KIT: variants seen among roughly 807,000 people sequenced by gnomAD.
KIT encodes mast/stem cell growth factor receptor Kit.
A neutral mutation model predicts 105.7 loss-of-function variants in KIT; 16 were observed. That is an observed-to-expected ratio of 0.15 (90% CI 0.10 to 0.23). KIT has a LOEUF of 0.23. Among genes scored for constraint, KIT ranks in the 10% least tolerant of loss-of-function variants. KIT has a pLI of 1.00. For missense variants in KIT, 858 were observed against 1,213.8 expected, an observed-to-expected ratio of 0.71 and a Z score of 4.36; for synonymous variants, 438 against 441.1, an observed-to-expected ratio of 0.99 and a Z score of 0.09.
intron 8 of KIT, among the ~76,000 whole-genome samples, chr4:54,725,481 A>G (rs1171499728): frequency 6.6e-6 from 1 of 151,936 alleles, no homozygotes; most frequent in Non-Finnish European, 1.5e-5. Flanking sequence ...AAGCTTGTTT[A>G]TTTTAGGGAT....
intron 7 of KIT, among the ~76,000 whole-genome samples, chr4:54,720,238 T>C (rs564081296): frequency 6.6e-6 from 1 of 152,082 alleles, no homozygotes; most frequent in East Asian, 1.9e-4. Context: ...CTAAGGCATA[T>C]TGAAGATTTA....
intron 7 of KIT, among the ~76,000 whole-genome samples, chr4:54,718,459 T>A (rs1721643122): frequency 6.6e-6 from 1 of 152,204 alleles, no homozygotes; most frequent in Admixed American, 6.5e-5. Context: ...ATCAGGAGAT[T>A]TCATGAGACA....
Position 54,738,840 on chromosome 4 carries a change from C to T in KIT, c.*283C>T. 1 of 599,668 alleles carries T rather than the reference C, an allele frequency of 1.7e-6. No individual in the cohort carries two copies. Among genetic ancestry groups the T allele is most frequent in the Non-Finnish European group, 3.0e-6 (1 of 337,420 alleles). The allele number at this position is 599,668 out of a possible 1,614,324, so 37.1% of individuals were successfully genotyped here. On this transcript the variant is annotated 3_prime_UTR_variant, in exon 21 of 21. Transcript: ENST00000288135. ...AGAGAGGGAGGTATGGACTGGGGGCCAGAGTCCTTTCCAAGGCTTCTCCAA... is the reference window on the plus strand; with the variant it reads ...AGAGAGGGAGGTATGGACTGGGGGCTAGAGTCCTTTCCAAGGCTTCTCCAA...
intron 1 of KIT, among the ~76,000 whole-genome samples, chr4:54,658,984 C>T (rs1206728223): frequency 2.0e-5 from 3 of 152,182 alleles, no homozygotes; most frequent in Admixed American, 6.5e-5. Flanking sequence ...TTCCCTGACT[C>T]CAACCGCCTA....
rs879387646 is a variant in KIT at position 54,722,871 on chromosome 4, ATATTTATATATATG to A, written c.1232-699_1232-686del. Among the ~76,000 whole-genome samples the A allele has an allele frequency of 1.7e-3, 234 of 139,220 alleles. 1 individual carries two copies. The highest frequency in any genetic ancestry group is 4.7e-3 in the Admixed American group (67 of 14,368). The allele number at this position is 139,220 out of a possible 152,430, so 91.3% of individuals were successfully genotyped here. A position where few individuals can be genotyped will look rare whatever the true frequency, so the allele number is the denominator to read the frequency against. On this transcript the variant is annotated intron_variant, in intron 7 of 20. Transcript: ENST00000288135. ...TATATATTTTTATATATATGTATATATATTTATATATATGTATTTATATATATATATTCACGTTC... is the reference window on the plus strand; with the variant it reads ...TATATATTTTTATATATATGTATATATATTTATATATATATATTCACGTTC...
chr4:54,700,676 C>T (rs1379347924), intron 4 of KIT, among the ~76,000 whole-genome samples: 1 of 152,180 alleles, frequency 6.6e-6, no homozygotes, highest in Non-Finnish European at 1.5e-5. Flanking sequence ...TCTTTCTCCT[C>T]CTCTTCCTCC....
At position 54,731,362 on chromosome 4, in the gene KIT, C is replaced by T. The variant is rs1482194413; in HGVS notation, c.2176C>T (p.Pro726Ser). ...DSTNEYMDMK[P>S]GVSYVVPTKA... ...TACTAATGAGTACATGGACATGAAA[C>T]CTGGAGTTTCTTATGTTGTCCCAAC... The change falls in exon 15 of 21, where the codon CCT becomes TCT. Residue 726 changes from proline to serine, a missense_variant. Pro to Ser is a moderately conservative substitution (Grantham distance 74, BLOSUM62 -1). Around this residue, in one of 7 missense-constraint regions of KIT, gnomAD observed 158 missense variants for 218.7 expected, o/e 0.72. Coordinates refer to ENST00000288135, the MANE Select transcript of KIT (RefSeq NM_000222.3). 6.2e-7 allele frequency: 1 copy of T among 1,613,342 alleles called. No homozygotes were observed. The highest frequency in any genetic ancestry group is 2.2e-5 in the East Asian group (1 of 44,864).
At chr4:54,678,795 GA>G (rs1718702610) in intron 1 of KIT, among the ~76,000 whole-genome samples, 2 of 152,020 alleles carry the variant, frequency 1.3e-5, no homozygotes, top group Non-Finnish European at 2.9e-5. Context: ...TCCTTTTTTG[GA>G]AATAATTTCA....
chr4:54,676,631 A>T (rs1374318726), intron 1 of KIT, among the ~76,000 whole-genome samples: 1 of 150,788 alleles, frequency 6.6e-6, no homozygotes, highest in African/African-American at 2.5e-5. Flanking sequence ...CAGAGGACAA[A>T]TACGATTGTG....
At chr4:54,700,342 CTG>C (rs1420260486) in intron 4 of KIT, among the ~76,000 whole-genome samples, 2 of 152,166 alleles carry the variant, frequency 1.3e-5, no homozygotes, top group Non-Finnish European at 2.9e-5. Context: ...ATTAATAAAA[CTG>C]TTATCCTTAA....
chr4:54,728,012 G>A lies in KIT; in HGVS notation c.1881G>A (p.Pro627=), dbSNP rs971280269. 12 of 1,613,664 alleles carry A rather than the reference G, an allele frequency of 7.4e-6. No individual in the cohort carries two copies. Among genetic ancestry groups the A allele is most frequent in the Non-Finnish European group, 9.3e-6 (11 of 1,179,768 alleles). The part of the protein sequence containing the change: ...AMTVAVKMLK[P]SAHLTEREAL... Reference sequence around the variant, plus strand: ...TAAAATGCATGTTTCCAATTTTAGCGAGTGCCCATTTGACAGAACGGGAAG... The same window carrying A: ...TAAAATGCATGTTTCCAATTTTAGCAAGTGCCCATTTGACAGAACGGGAAG... Residue 627 remains proline (P), a splice_region_variant and synonymous_variant, in exon 13 of 21, where the codon CCG becomes CCA. Transcript: ENST00000288135.
At chr4:54,682,749 C>T (rs889284844) in intron 1 of KIT, among the ~76,000 whole-genome samples, 9 of 129,598 alleles carry the variant, frequency 6.9e-5, no homozygotes, top group South Asian at 4.4e-4. Context: ...TTGTCTTGAC[C>T]GTTTTTTTTT....
At chr4:54,710,664 C>T (rs1481398393) in intron 7 of KIT, among the ~76,000 whole-genome samples, 3 of 151,928 alleles carry the variant, frequency 2.0e-5, no homozygotes, top group Non-Finnish European at 2.9e-5. Flanking sequence ...CTGCCACAGC[C>T]TCTTGAGTAT....
At chr4:54,681,458 A>C (rs1228121426) in intron 1 of KIT, among the ~76,000 whole-genome samples, 1 of 152,150 alleles carries the variant, frequency 6.6e-6, no homozygotes, top group African/African-American at 2.4e-5. Context: ...GTTTCCTCTT[A>C]GTCTGTCTCT....
intron 17 of KIT, 62 bp downstream of exon 17, chr4:54,733,254 A>G: frequency 6.4e-7 from 1 of 1,570,764 alleles, no homozygotes; most frequent in Admixed American, 1.7e-5. Context: ...CTTTCGATAA[A>G]AATTGTTTCC....
rs531674731 is a variant in KIT, at chr4:54,712,082, A to G, written c.1231+2543A>G. On this transcript the variant is annotated intron_variant, in intron 7 of 20. Coordinates refer to ENST00000288135, the MANE Select transcript of KIT (RefSeq NM_000222.3). ...TGCAAGCATAATATGCATATTGTTC[A>G]TACAGAATTTTATTGTGGCTGCTCT... 2.5e-4 allele frequency among the ~76,000 whole-genome samples: 38 copies of G among 152,300 alleles called. 2 individuals carry two copies. The South Asian group carries it at 7.9e-3, about 32-fold the overall frequency.
At chr4:54,738,027 C>T (rs1343949791) in intron 20 of KIT, among the ~76,000 whole-genome samples, 4 of 152,156 alleles carry the variant, frequency 2.6e-5, no homozygotes, top group African/African-American at 9.7e-5. Flanking sequence ...GCATTTTCCA[C>T]CCAGTTGCTT....
At chr4:54,675,393 GA>G (rs1307273661) in intron 1 of KIT, among the ~76,000 whole-genome samples, 2 of 152,192 alleles carry the variant, frequency 1.3e-5, no homozygotes, top group Non-Finnish European at 2.9e-5. Flanking sequence ...TGGTCGTTAA[GA>G]ATTCTTTGCA....
At chr4:54,663,818 A>AGT (rs1717480744) in intron 1 of KIT, among the ~76,000 whole-genome samples, 1 of 152,156 alleles carries the variant, frequency 6.6e-6, no homozygotes, top group South Asian at 2.1e-4. Context: ...CACAGCGGTT[A>AGT]GTGTTCAGTA....
Sources: gnomAD v4.1 joint callset for allele counts (sites outside exome capture counted in the v4.1 genomes callset) on GRCh38, gnomAD v4.1.1 for gene constraint, gnomAD v4.1.1 regional missense constraint, MANE v1.5 for transcripts, NCBI Gene and HGNC (gene_info 2026-07-23, HGNC 2026-07-21) for gene names.